Variants in MAPKAP1 observed in about 807,000 individuals in gnomAD.
The protein encoded by MAPKAP1 is target of rapamycin complex 2 subunit MAPKAP1.
In MAPKAP1, 20 loss-of-function variants were observed where a neutral mutation model predicts 65.7. The observed-to-expected ratio is 0.30, with a 90% CI of 0.21 to 0.44. The LOEUF (loss-of-function observed/expected upper bound fraction) is 0.44. MAPKAP1 is among the 20% of genes least tolerant of loss of function. The pLI is 1.00. For synonymous variants in MAPKAP1, 222 were observed against 244.3 expected, an observed-to-expected ratio of 0.91 and a Z score of 0.85; for missense variants, 423 against 648.0, an observed-to-expected ratio of 0.65 and a Z score of 3.77.
At chr9:125,575,226 G>C (rs1046064461) in intron 5 of MAPKAP1, among the ~76,000 whole-genome samples, 1 of 152,196 alleles carries the variant, frequency 6.6e-6, no homozygotes, top group African/African-American at 2.4e-5. Context: ...GCCAAGTGTA[G>C]GGACATGCAC....
Position 125,439,157 on chromosome 9 carries a change from C to G in MAPKAP1, c.1444-145G>C, listed in dbSNP as rs554395281. On this transcript the variant is annotated intron_variant, in intron 11 of 11. Coordinates refer to ENST00000265960, the MANE Select transcript of MAPKAP1 (RefSeq NM_001006617.3). This position sits in a 1 kb window ranked among gnomAD's most constrained non-coding sequence, Gnocchi z 4.0. ...TCGTGTGGAAGGAGTCCAGTCATCA[C>G]AGCAACCTGGCAGCGGCTGGGCCCA... is the stretch of plus-strand genomic sequence containing the variant. 9.9e-5 allele frequency: 85 copies of G among 858,260 alleles called. No individual in the cohort carries two copies. The highest frequency in any genetic ancestry group is 1.4e-4 in the Non-Finnish European group (80 of 571,236). 53.2% of individuals were successfully genotyped at this position (858,260 alleles called of 1,614,324 possible). A position where few individuals can be genotyped will look rare whatever the true frequency, so the allele number is the denominator to read the frequency against.
intron 4 of MAPKAP1, among the ~76,000 whole-genome samples, chr9:125,598,621 T>C (rs1832210339): frequency 6.6e-6 from 1 of 152,194 alleles, no homozygotes; most frequent in Admixed American, 6.5e-5. Context: ...CTGAGTTCAA[T>C]TATAAGCAAT....
At chr9:125,675,252 C>T (rs540582392) in intron 1 of MAPKAP1, among the ~76,000 whole-genome samples, 2 of 152,268 alleles carry the variant, frequency 1.3e-5, no homozygotes, top group Non-Finnish European at 2.9e-5. Flanking sequence ...AATGAGAAGT[C>T]ACACATTTAA....
chr9:125,560,654 C>T (rs1298401172), intron 5 of MAPKAP1, among the ~76,000 whole-genome samples: 1 of 152,078 alleles, frequency 6.6e-6, no homozygotes, highest in Non-Finnish European at 1.5e-5. Context: ...TCAAGGTAAC[C>T]AAGACAATCC....
chr9:125,592,668 G>A (rs927092687), intron 4 of MAPKAP1, among the ~76,000 whole-genome samples: 12 of 152,134 alleles, frequency 7.9e-5, no homozygotes, highest in Non-Finnish European at 1.3e-4. Flanking sequence ...GCTTTGGGAG[G>A]CCGAGGCGGG....
chr9:125,548,083 G>A (rs900487748), intron 6 of MAPKAP1, among the ~76,000 whole-genome samples: 3 of 152,188 alleles, frequency 2.0e-5, no homozygotes, highest in African/African-American at 7.2e-5. Context: ...TATCTGTATT[G>A]ACTCATTCAA....
intron 10 of MAPKAP1, among the ~76,000 whole-genome samples, chr9:125,459,856 G>GAAAA (rs1337993291): frequency 1.5e-5 from 2 of 136,986 alleles, no homozygotes; most frequent in South Asian, 4.7e-4. Flanking sequence ...GAGACCGTGG[G>GAAAA]GAGAGGGAGA....
At chr9:125,539,740 G>A (rs1027890319) in intron 7 of MAPKAP1, among the ~76,000 whole-genome samples, 3 of 152,212 alleles carry the variant, frequency 2.0e-5, no homozygotes, top group Non-Finnish European at 4.4e-5. Context: ...CTGTTAACAT[G>A]AGTAAAGAGG....
chr9:125,690,738 G>C (rs73593579), intron 1 of MAPKAP1, among the ~76,000 whole-genome samples: 1,626 of 152,326 alleles, frequency 0.011, 31 homozygotes, highest in African/African-American at 0.037. Context: ...ATTCGAGGTA[G>C]AAGACACAGC....
intron 8 of MAPKAP1, among the ~76,000 whole-genome samples, chr9:125,488,026 C>G (rs531119088): frequency 6.6e-6 from 1 of 152,346 alleles, no homozygotes; most frequent in Non-Finnish European, 1.5e-5. Context: ...AAATAACCAG[C>G]AAGGCTTGTC....
In MAPKAP1 at chr9:125,698,188, C is replaced by T. The variant is rs1355707814; in HGVS notation, c.-70+8783G>A. The stretch of plus-strand genomic sequence containing the variant: ...TATATACAAAAAGTATATATATATA[C>T]ACACACATATGTGTATATATATGTG... On this transcript the variant is annotated intron_variant, in intron 1 of 11. Coordinates refer to ENST00000265960, the MANE Select transcript of MAPKAP1 (RefSeq NM_001006617.3). Among the ~76,000 whole-genome samples the T allele has an allele frequency of 4.8e-5, 7 of 145,850 alleles. No individual in the cohort carries two copies. The Admixed American group carries it at 5.0e-4, about 10-fold the overall frequency.
intron 4 of MAPKAP1, among the ~76,000 whole-genome samples, chr9:125,622,795 G>GCTCTCCCCTCTCCC (rs138362788): frequency 1.3e-5 from 2 of 149,564 alleles, no homozygotes; most frequent in Non-Finnish European, 3.0e-5. Flanking sequence ...CAAGGGAGAG[G>GCTCTCCCCTCTCCC]CTCTCCCCTC....
chr9:125,583,995 G>A (rs531790762), intron 5 of MAPKAP1, among the ~76,000 whole-genome samples: 7 of 152,044 alleles, frequency 4.6e-5, no homozygotes, highest in South Asian at 4.2e-4. Context: ...CCCGGGAGGC[G>A]GAGCCTGCAG....
intron 7 of MAPKAP1, among the ~76,000 whole-genome samples, chr9:125,540,267 T>C (rs897920010): frequency 3.3e-5 from 5 of 152,198 alleles, no homozygotes; most frequent in African/African-American, 1.2e-4. Context: ...GAGCAAACAT[T>C]AGGACTGCCA....
chr9:125,677,487 G>T (rs1203177066), intron 1 of MAPKAP1, among the ~76,000 whole-genome samples: 1 of 152,238 alleles, frequency 6.6e-6, no homozygotes, highest in Middle Eastern at 3.4e-3. Flanking sequence ...CCTGAGGTCA[G>T]GAGTTCGAGA....
At chr9:125,568,917 T>TAA in intron 5 of MAPKAP1, 1 of 176,186 alleles carries the variant, frequency 5.7e-6, no homozygotes, top group Non-Finnish European at 1.3e-5. Context: ...ATGAATGGTT[T>TAA]AAAAAAAAAA....
chr9:125,593,873 T>C (rs903059593), intron 4 of MAPKAP1, among the ~76,000 whole-genome samples: 3 of 152,220 alleles, frequency 2.0e-5, no homozygotes, highest in Non-Finnish European at 4.4e-5. Context: ...AGCCTCTCCC[T>C]GACCTGATGG....
intron 5 of MAPKAP1, among the ~76,000 whole-genome samples, chr9:125,584,197 G>A (rs1184482836): frequency 1.3e-5 from 2 of 152,176 alleles, no homozygotes; most frequent in African/African-American, 4.8e-5. Context: ...GTGTGCCGCT[G>A]ACTGAACCAT....
At chr9:125,566,775 T>C (rs1406455866) in intron 5 of MAPKAP1, among the ~76,000 whole-genome samples, 1 of 152,158 alleles carries the variant, frequency 6.6e-6, no homozygotes, top group Non-Finnish European at 1.5e-5. Context: ...CTCTTTTCAT[T>C]CATCCATGCT....
Sources: gnomAD v4.1 joint callset for allele counts (sites outside exome capture counted in the v4.1 genomes callset) on GRCh38, gnomAD v4.1.1 for gene constraint, Gnocchi (gnomAD v3.1) non-coding constraint, MANE v1.5 for transcripts, NCBI Gene and HGNC (gene_info 2026-07-23, HGNC 2026-07-21) for gene names.